Variants in ASIC2 observed in about 807,000 individuals in gnomAD.
ASIC2 encodes acid-sensing ion channel 2.
In ASIC2, 25 loss-of-function variants were observed where a neutral mutation model predicts 57.3. That is an observed-to-expected ratio of 0.44 (90% CI 0.32 to 0.61). The LOEUF is 0.61. Ranked by LOEUF, ASIC2 falls within the 20% of genes least tolerant of loss-of-function variation. ASIC2 has a pLI of 0.06. For missense variants in ASIC2, 641 were observed against 738.1 expected (o/e 0.87, Z 1.52); for synonymous variants, 319 against 307.5 (o/e 1.04, Z -0.39).
intron 1 of ASIC2, among the ~76,000 whole-genome samples, chr17:33,388,017 T>G (rs1252425928): frequency 6.6e-6 from 1 of 151,642 alleles, no homozygotes; most frequent in Non-Finnish European, 1.5e-5. Flanking sequence ...GAGGCAGAGG[T>G]TGCAGTGAGC....
chr17:34,036,143 C>G (rs1907866810), intron 1 of ASIC2, among the ~76,000 whole-genome samples: 2 of 151,898 alleles, frequency 1.3e-5, no homozygotes, highest in Admixed American at 1.3e-4. Context: ...CAACGATAGA[C>G]TGGATTAAGA....
At chr17:33,836,848 G>A (rs922116773) in intron 1 of ASIC2, among the ~76,000 whole-genome samples, 4 of 152,104 alleles carry the variant, frequency 2.6e-5, no homozygotes, top group East Asian at 1.9e-4. Flanking sequence ...GCAAGACTCC[G>A]TCTCAAAAAT....
Position 33,381,470 on chromosome 17 carries a change from G to A in ASIC2, c.556-269403C>T, listed in dbSNP as rs1032707040. 3.3e-5 allele frequency among the ~76,000 whole-genome samples: 5 copies of A among 152,198 alleles called. No individual in the cohort carries two copies. The South Asian group carries it at 6.2e-4, about 19-fold the overall frequency. On this transcript the variant is annotated intron_variant, in intron 1 of 9. Transcript: ENST00000359872. ...ACATAGCCTGCTGGTCTGGGCTTCCGGCAGCATCTGCCTGTGTGCTTTCAT... is the reference window on the plus strand; with the variant it reads ...ACATAGCCTGCTGGTCTGGGCTTCCAGCAGCATCTGCCTGTGTGCTTTCAT...
intron 1 of ASIC2, among the ~76,000 whole-genome samples, chr17:33,966,907 C>A (rs948824283): frequency 6.6e-6 from 1 of 152,144 alleles, no homozygotes. Context: ...CTCCATGACC[C>A]CCCGCACCCA....
intron 1 of ASIC2, among the ~76,000 whole-genome samples, chr17:33,522,138 C>G (rs955886723): frequency 3.9e-5 from 6 of 152,214 alleles, no homozygotes; most frequent in African/African-American, 1.4e-4. Context: ...TCCCCCCACT[C>G]CTTCCTGTCA....
At chr17:33,976,499 C>A (rs1235338610) in intron 1 of ASIC2, 2 of 152,194 alleles carry the variant, frequency 1.3e-5, no homozygotes, top group Non-Finnish European at 1.5e-5. Flanking sequence ...CAATTGCTCT[C>A]TTCCAACTGG....
At chr17:33,339,041 G>A (rs1257156872) in intron 1 of ASIC2, among the ~76,000 whole-genome samples, 1 of 152,016 alleles carries the variant, frequency 6.6e-6, no homozygotes, top group Non-Finnish European at 1.5e-5. Flanking sequence ...ACTGTACATT[G>A]ATAAATGGTC....
intron 3 of ASIC2, among the ~76,000 whole-genome samples, chr17:33,056,327 T>C (rs1177530683): frequency 6.6e-6 from 1 of 152,206 alleles, no homozygotes; most frequent in African/African-American, 2.4e-5. Flanking sequence ...AAATTAACAA[T>C]AGAACTTGGA....
At chr17:33,579,657 G>C (rs973123712) in intron 1 of ASIC2, among the ~76,000 whole-genome samples, 4 of 152,042 alleles carry the variant, frequency 2.6e-5, no homozygotes, top group East Asian at 1.9e-4. Context: ...CTTCTGGTGG[G>C]CTCCTGGTCT....
chr17:33,654,263 G>T (rs755153942), intron 1 of ASIC2, among the ~76,000 whole-genome samples: 4 of 152,214 alleles, frequency 2.6e-5, no homozygotes, highest in Non-Finnish European at 5.9e-5. Flanking sequence ...GCTTTTAGTT[G>T]AGAGCACAGA....
At chr17:34,121,277 T>A (rs1286118868) in intron 1 of ASIC2, among the ~76,000 whole-genome samples, 2 of 151,270 alleles carry the variant, frequency 1.3e-5, no homozygotes, top group Non-Finnish European at 2.9e-5. Context: ...ATGTCTGTTG[T>A]TTTAAGCCAC....
At chr17:33,654,813 G>A (rs117196582) in intron 1 of ASIC2, among the ~76,000 whole-genome samples, 1,736 of 152,320 alleles carry the variant, frequency 0.011, 21 homozygotes, top group Non-Finnish European at 0.017. Flanking sequence ...GCCAGCCATA[G>A]AATGAGTTTT....
intron 1 of ASIC2, chr17:34,082,271 T>C (rs1023381668): frequency 5.9e-5 from 9 of 152,248 alleles, no homozygotes; most frequent in African/African-American, 2.2e-4. Context: ...TGGAAGTCAG[T>C]GATCTCTAGG....
At chr17:34,118,393 T>A (rs1911492375) in intron 1 of ASIC2, 1 of 151,912 alleles carries the variant, frequency 6.6e-6, no homozygotes, top group African/African-American at 2.4e-5. Flanking sequence ...GTGCTGGGAG[T>A]GGGGTTGGAG....
At chr17:33,976,472 C>T (rs1905391231) in intron 1 of ASIC2, 1 of 152,156 alleles carries the variant, frequency 6.6e-6, no homozygotes, top group Admixed American at 6.5e-5. Context: ...TTCCAACTCA[C>T]CTGTGCTCCA....
intron 1 of ASIC2, among the ~76,000 whole-genome samples, chr17:33,981,881 T>C (rs1184429437): frequency 6.6e-6 from 1 of 152,176 alleles, no homozygotes; most frequent in Admixed American, 6.5e-5. Context: ...CACATAGCCT[T>C]GTATGAGGAA....
At chr17:33,724,622 C>T (rs529190495) in intron 1 of ASIC2, among the ~76,000 whole-genome samples, 1 of 152,234 alleles carries the variant, frequency 6.6e-6, no homozygotes, top group East Asian at 1.9e-4. Context: ...GGGCTTTGGC[C>T]TGTGCACTTG....
At chr17:33,190,938 A>C (rs939089813) in intron 1 of ASIC2, among the ~76,000 whole-genome samples, 3 of 152,220 alleles carry the variant, frequency 2.0e-5, no homozygotes, top group Non-Finnish European at 2.9e-5. Context: ...AGTTAAGTGC[A>C]TACGTACCAA....
At chr17:33,615,957 G>A (rs1905589814) in intron 1 of ASIC2, among the ~76,000 whole-genome samples, 1 of 152,188 alleles carries the variant, frequency 6.6e-6, no homozygotes, top group Non-Finnish European at 1.5e-5. Flanking sequence ...TCACCAGCCT[G>A]TACTACCTGA....
Sources: allele counts gnomAD v4.1 joint callset (sites outside exome capture counted in the v4.1 genomes callset), GRCh38; gene constraint gnomAD v4.1.1; transcripts MANE v1.5; gene names NCBI Gene and HGNC (gene_info 2026-07-23, HGNC 2026-07-21).